Variants in C10orf67 observed in about 807,000 individuals in gnomAD.
The protein encoded by C10orf67 is uncharacterized protein C10orf67, mitochondrial.
C10orf67 carries 60 observed loss-of-function variants against 35.6 expected under a neutral mutation model. The observed-to-expected ratio is 1.68, with a 90% CI of 1.37 to 2.09. C10orf67 has a LOEUF of 2.09. Ranked by LOEUF, C10orf67 falls within the 30% of genes most tolerant of loss-of-function variation. The pLI is 0.00. For synonymous variants in C10orf67, 167 were observed against 115.8 expected (o/e 1.44, Z -2.84); for missense variants, 474 against 330.2 (o/e 1.44, Z -3.38).
intron 13 of C10orf67, among the ~76,000 whole-genome samples, chr10:23,224,961 G>C (rs894095980): frequency 2.6e-5 from 4 of 152,198 alleles, no homozygotes; most frequent in African/African-American, 9.7e-5. Flanking sequence ...TATTATCCAG[G>C]AGAACTTCCC....
chr10:23,244,850 C>T (rs867246656), intron 12 of C10orf67, among the ~76,000 whole-genome samples: 3 of 152,080 alleles, frequency 2.0e-5, no homozygotes, highest in Admixed American at 6.6e-5. Context: ...GAAAAATAAT[C>T]CTAAAATTTT....
At chr10:23,319,875 T>C (rs1844875252) in intron 4 of C10orf67, among the ~76,000 whole-genome samples, 1 of 152,218 alleles carries the variant, frequency 6.6e-6, no homozygotes, top group Non-Finnish European at 1.5e-5. Flanking sequence ...TCTAGCACTT[T>C]GGCTTCTATA....
intron 8 of C10orf67, among the ~76,000 whole-genome samples, chr10:23,271,576 C>T (rs992425474): frequency 6.6e-6 from 1 of 152,194 alleles, no homozygotes; most frequent in Non-Finnish European, 1.5e-5. Context: ...ACATCCTTGA[C>T]AACACTTTAT....
At chr10:23,292,608 A>G (rs1342346895) in intron 5 of C10orf67, among the ~76,000 whole-genome samples, 6 of 152,206 alleles carry the variant, frequency 3.9e-5, no homozygotes, top group Admixed American at 3.3e-4. Flanking sequence ...GTAAACTATT[A>G]AAATATTTTC....
intron 12 of C10orf67, among the ~76,000 whole-genome samples, chr10:23,240,650 A>C (rs1433898933): frequency 6.6e-6 from 1 of 152,250 alleles, no homozygotes; most frequent in African/African-American, 2.4e-5. Context: ...AGAAGGCAAG[A>C]GAATGGCTGG....
chr10:23,274,012 C>G (rs1030078774), intron 8 of C10orf67, among the ~76,000 whole-genome samples: 10 of 152,122 alleles, frequency 6.6e-5, no homozygotes, highest in African/African-American at 2.4e-4. Flanking sequence ...TATAGCTGGG[C>G]CTCCGGAGGT....
At chr10:23,289,246 C>T (rs1299856999) in intron 7 of C10orf67, among the ~76,000 whole-genome samples, 12 of 152,070 alleles carry the variant, frequency 7.9e-5, no homozygotes, top group Non-Finnish European at 1.0e-4. Context: ...TCACTGCAGC[C>T]CCGAACTTCT....
chr10:23,268,157 T>C (rs1242656000), intron 8 of C10orf67, among the ~76,000 whole-genome samples: 2 of 151,974 alleles, frequency 1.3e-5, no homozygotes, highest in Non-Finnish European at 2.9e-5. Context: ...TACCCAGGTG[T>C]GGTGGTGTGT....
At chr10:23,257,083 C>G (rs148496039) in intron 10 of C10orf67, among the ~76,000 whole-genome samples, 78 of 152,272 alleles carry the variant, frequency 5.1e-4, no homozygotes, top group African/African-American at 1.9e-3. Context: ...ACAGGTTGCT[C>G]CCCTGGGAGA....
chr10:23,310,271 A>C (rs996728789), intron 4 of C10orf67, among the ~76,000 whole-genome samples: 5 of 152,162 alleles, frequency 3.3e-5, no homozygotes, highest in Non-Finnish European at 5.9e-5. Context: ...CCAAAACAAA[A>C]AATTCTAGTC....
At chr10:23,238,794 A>G (rs1288025435) in intron 13 of C10orf67, among the ~76,000 whole-genome samples, 4 of 152,208 alleles carry the variant, frequency 2.6e-5, no homozygotes, top group African/African-American at 4.8e-5. Context: ...AAGACACTAT[A>G]TATATTCCTA....
At chr10:23,288,919 C>G (rs1479262251) in intron 7 of C10orf67, among the ~76,000 whole-genome samples, 1 of 152,122 alleles carries the variant, frequency 6.6e-6, no homozygotes, top group East Asian at 1.9e-4. Flanking sequence ...TTTTTCAGTG[C>G]CTCAGGCATC....
chr10:23,316,880 T>C (rs1047216312), intron 4 of C10orf67: 2 of 152,262 alleles, frequency 1.3e-5, no homozygotes, highest in Non-Finnish European at 2.9e-5. Flanking sequence ...AGGAAGCTCA[T>C]GCTGATTGGT....
At chr10:23,241,884 T>C (rs1842189785) in intron 12 of C10orf67, among the ~76,000 whole-genome samples, 1 of 150,670 alleles carries the variant, frequency 6.6e-6, no homozygotes, top group Non-Finnish European at 1.5e-5. Context: ...AAATTTAAAG[T>C]ACCTAGACAT....
intron 5 of C10orf67, among the ~76,000 whole-genome samples, chr10:23,300,389 C>T (rs184606034): frequency 1.4e-3 from 216 of 151,776 alleles, no homozygotes; most frequent in Middle Eastern, 3.4e-3. Context: ...TTTTTTATCC[C>T]GTTTGTCCCA....
At chr10:23,343,973 T>A (rs975752444) in intron 1 of C10orf67, 3 of 459,446 alleles carry the variant, frequency 6.5e-6, no homozygotes, top group Non-Finnish European at 1.4e-5. Context: ...CCCTCCTCTG[T>A]CTCAGGCGAG....
rs11013374 is a variant in C10orf67, at chr10:23,302,217, T to C, written c.702+1087A>G. ...TAATGTATTATAATATATCATATTA[T>C]AATATATTATGATAACATAATCTAT... On this transcript the variant is annotated intron_variant, in intron 5 of 15. Transcript: ENST00000636213. Among the ~76,000 whole-genome samples the C allele has an allele frequency of 4.2e-3, 635 of 151,090 alleles. 6 individuals are homozygous for C. Among genetic ancestry groups the C allele is most frequent in the African/African-American group, 0.015 (611 of 41,282 alleles).
At chr10:23,323,286 T>C (rs1177385671) in intron 2 of C10orf67, among the ~76,000 whole-genome samples, 1 of 152,164 alleles carries the variant, frequency 6.6e-6, no homozygotes, top group Non-Finnish European at 1.5e-5. Context: ...TAAGAACCAT[T>C]TGTAATAATC....
chr10:23,316,907 G>A (rs1844735617), intron 4 of C10orf67: 1 of 152,272 alleles, frequency 6.6e-6, no homozygotes, highest in African/African-American at 2.4e-5. Flanking sequence ...GCAGCCATAG[G>A]TGGGCCTGAA....
Sources: allele counts gnomAD v4.1 joint callset (sites outside exome capture counted in the v4.1 genomes callset), GRCh38; gene constraint gnomAD v4.1.1; transcripts MANE v1.5; gene names NCBI Gene and HGNC (gene_info 2026-07-23, HGNC 2026-07-21).